The following NIBAN2 variants were observed in gnomAD, a reference collection of about 807,000 sequenced individuals.
NIBAN2 encodes the protein niban apoptosis regulator 2, also known as protein Niban 2.
NIBAN2 carries 36 observed loss-of-function variants against 81.8 expected under a neutral mutation model. That is an observed-to-expected ratio of 0.44 (90% confidence interval 0.34 to 0.58). The LOEUF is 0.58. Ranked by LOEUF, NIBAN2 falls within the 20% of genes least tolerant of loss-of-function variation. The pLI, the probability that NIBAN2 is intolerant of heterozygous loss-of-function variation, is 0.02. For missense variants in NIBAN2, 897 were observed against 1,014.1 expected, an observed-to-expected ratio of 0.88 and a Z score of 1.57; for synonymous variants, 445 against 441.6, an observed-to-expected ratio of 1.01 and a Z score of -0.10.
At chr9:127,541,145 A>G (rs1158130046) in intron 1 of NIBAN2, among the ~76,000 whole-genome samples, 1 of 152,162 alleles carries the variant, frequency 6.6e-6, no homozygotes, top group Non-Finnish European at 1.5e-5. Flanking sequence ...CATCTCCATC[A>G]TGTGCCTGAG....
rs1837286687 is a variant in NIBAN2 at position 127,536,696 on chromosome 9, G to A, written c.56-4918C>T. Among the ~76,000 whole-genome samples, 1 of 152,252 alleles carries A rather than the reference G, an allele frequency of 6.6e-6. No homozygotes were observed. On this transcript the variant is annotated intron_variant, in intron 1 of 13. Coordinates refer to ENST00000373312, the MANE Select transcript of NIBAN2 (RefSeq NM_022833.4). This position sits in a 1 kb window ranked among gnomAD's most constrained non-coding sequence, Gnocchi z 4.0. ...ACACTCAGGCTTACCACCCTGTTAG[G>A]GGAATGTGAGCCAGAGAGGGTGAGC...
In NIBAN2 at chr9:127,545,748, C is replaced by T. The variant is rs1214529757; in HGVS notation, c.56-13970G>A. ...GCCCAGAGAAATGCACCCAAAAAAA[C>T]GGGTGACCCAAAACCCGCCCACTGG... On this transcript the variant is annotated intron_variant, in intron 1 of 13. Coordinates refer to ENST00000373312, the MANE Select transcript of NIBAN2 (RefSeq NM_022833.4). This position sits in a 1 kb window ranked among gnomAD's most constrained non-coding sequence, Gnocchi z 4.7. 3.3e-5 allele frequency among the ~76,000 whole-genome samples: 5 copies of T among 152,206 alleles called. No homozygotes were observed. The highest frequency in any genetic ancestry group is 2.1e-4 in the South Asian group (1 of 4,828).
intron 1 of NIBAN2, among the ~76,000 whole-genome samples, chr9:127,560,338 T>C (rs1837750855): frequency 1.3e-5 from 2 of 151,930 alleles, no homozygotes; most frequent in African/African-American, 4.8e-5. Flanking sequence ...ATATCCCTCA[T>C]TGCACCCGAC....
intron 1 of NIBAN2, chr9:127,561,318 G>A (rs1194746896): frequency 3.0e-6 from 3 of 985,056 alleles, no homozygotes; most frequent in South Asian, 4.7e-5. Flanking sequence ...GCACATGGCA[G>A]GGAGCAGGGG....
At chr9:127,511,179 G>A (rs149685171) in intron 8 of NIBAN2, among the ~76,000 whole-genome samples, 8,887 of 151,818 alleles carry the variant, frequency 0.059, 307 homozygotes, top group South Asian at 0.07. Context: ...CAAGTAGCTG[G>A]GATTACAGGT....
chr9:127,526,410 A>G (rs930107826), intron 3 of NIBAN2, among the ~76,000 whole-genome samples: 9 of 151,280 alleles, frequency 5.9e-5, no homozygotes, highest in Non-Finnish European at 1.3e-4. Context: ...AAAAAAAAAA[A>G]AAAAAGAAAA....
intron 1 of NIBAN2, among the ~76,000 whole-genome samples, chr9:127,564,194 G>A (rs1837819562): frequency 6.6e-6 from 1 of 151,806 alleles, no homozygotes. Context: ...TCAGGAGGCT[G>A]AGACAGGAGA....
At position 127,508,312 on chromosome 9, in the gene NIBAN2, A is replaced by C. The variant is rs1156463182; in HGVS notation, c.1434+110T>G. 1 of 1,318,318 alleles carries C rather than the reference A, an allele frequency of 7.6e-7. No individual in the cohort carries two copies. The allele number at this position is 1,318,318 out of a possible 1,614,324, so 81.7% of individuals were successfully genotyped here. ...GCCTCCGAGTCCTCATCCGCACAAG[A>C]GGACCATGGCGCCTCCTTGCAGGGA... is the stretch of plus-strand genomic sequence containing the variant. On this transcript the variant is annotated intron_variant, in intron 11 of 13. Transcript: ENST00000373312. This position sits in a 1 kb window ranked among gnomAD's most constrained non-coding sequence, Gnocchi z 6.4.
rs397740013 is a variant in NIBAN2, at chr9:127,525,286, G to GAGT, written c.316-124_316-123insACT. The GAGT allele has an allele frequency of 4.5e-6, 3 of 673,582 alleles. No homozygotes were observed. In the Admixed American group the frequency reaches 7.3e-5, roughly 16 times the overall value. 41.7% of individuals were successfully genotyped at this position (673,582 alleles called of 1,614,324 possible). On this transcript the variant is annotated intron_variant, in intron 3 of 13. Coordinates refer to ENST00000373312, the MANE Select transcript of NIBAN2 (RefSeq NM_022833.4). Reference sequence around the variant, plus strand: ...GGAGGAGAAGGGAAAGGAAGAAGAGGCAAGAGAGGAACAGAGGGGAGAATG... The same window carrying GAGT: ...GGAGGAGAAGGGAAAGGAAGAAGAGGAGTCAAGAGAGGAACAGAGGGGAGAATG...
intron 1 of NIBAN2, among the ~76,000 whole-genome samples, chr9:127,558,381 G>C (rs1474148167): frequency 6.6e-6 from 1 of 152,178 alleles, no homozygotes; most frequent in East Asian, 1.9e-4. Context: ...TCATGCTGGG[G>C]TCAAGGCCCT....
At chr9:127,571,328 T>G (rs908301983), upstream of NIBAN2, among the ~76,000 whole-genome samples, 1 of 152,042 alleles carries the variant, frequency 6.6e-6, no homozygotes, top group African/African-American at 2.4e-5. Flanking sequence ...TCCTCTTGCT[T>G]TGGAGACCTT....
intron 1 of NIBAN2, among the ~76,000 whole-genome samples, chr9:127,562,972 T>C (rs1284594439): frequency 6.6e-6 from 1 of 152,178 alleles, no homozygotes; most frequent in Non-Finnish European, 1.5e-5. Context: ...TAAAGTGTAA[T>C]GATCGACACA....
chr9:127,549,691 T>C (rs1265267159), intron 1 of NIBAN2, among the ~76,000 whole-genome samples: 1 of 152,206 alleles, frequency 6.6e-6, no homozygotes, highest in Non-Finnish European at 1.5e-5. Flanking sequence ...TCCACTCGTG[T>C]GCTTGCTGCT....
Position 127,517,814 on chromosome 9 carries a change from G to T in NIBAN2, c.705+12C>A, listed in dbSNP as rs770835671. The stretch of plus-strand genomic sequence containing the variant: ...ACTTCTGAGGTTTCCTCACCAGCCC[G>T]TCTGGCCTCACCTGCACCTCGTTCC... On this transcript the variant is annotated intron_variant, in intron 6 of 13. Transcript: ENST00000373312. This position sits in a 1 kb window ranked among gnomAD's most constrained non-coding sequence, Gnocchi z 4.0. 1.9e-6 allele frequency: 3 copies of T among 1,602,896 alleles called. No individual in the cohort carries two copies. The highest frequency in any genetic ancestry group is 2.6e-6 in the Non-Finnish European group (3 of 1,171,752).
chr9:127,526,415 A>AG (rs71380070), intron 3 of NIBAN2, among the ~76,000 whole-genome samples: 2 of 149,918 alleles, frequency 1.3e-5, no homozygotes, highest in South Asian at 2.1e-4. Flanking sequence ...AAAAAAAAAA[A>AG]GAAAAAAAAA....
chr9:127,556,293 A>T (rs1837668629), intron 1 of NIBAN2, among the ~76,000 whole-genome samples: 1 of 151,846 alleles, frequency 6.6e-6, no homozygotes, highest in African/African-American at 2.4e-5. Context: ...CTCCTTCCAC[A>T]AGGGCAGGGG....
chr9:127,555,800 C>T (rs1451014685), intron 1 of NIBAN2, among the ~76,000 whole-genome samples: 1 of 152,220 alleles, frequency 6.6e-6, no homozygotes, highest in Non-Finnish European at 1.5e-5. Context: ...TATAGCAATT[C>T]GCCCTCCGGT....
Position 127,523,168 on chromosome 9 carries a change from T to TAAA in NIBAN2, c.589+510_589+511insTTT, listed in dbSNP as rs1564301216. On this transcript the variant is annotated intron_variant, in intron 5 of 13. Transcript: ENST00000373312. The stretch of plus-strand genomic sequence containing the variant: ...CAAATCACCCTGCAGGTTGGTGGTT[T>TAAA]TAAAAAAAAAAAAAAAAAAAAAAAA... Among the ~76,000 whole-genome samples, 4 of 19,010 alleles carry TAAA rather than the reference T, an allele frequency of 2.1e-4. 1 individual carries two copies. Among genetic ancestry groups the TAAA allele is most frequent in the Admixed American group, 1.4e-3 (2 of 1,422 alleles). The allele number at this position is 19,010 out of a possible 152,430, so 12.5% of individuals were successfully genotyped here. A position where few individuals can be genotyped will look rare whatever the true frequency, so the allele number is the denominator to read the frequency against.
upstream of NIBAN2, among the ~76,000 whole-genome samples, chr9:127,572,566 G>A (rs1004737698): frequency 2.6e-5 from 4 of 152,100 alleles, no homozygotes; most frequent in Non-Finnish European, 5.9e-5. Flanking sequence ...GATGCCTTGG[G>A]ACCTGATTGG....
Sources: gnomAD v4.1 joint callset for allele counts (sites outside exome capture counted in the v4.1 genomes callset) on GRCh38, gnomAD v4.1.1 for gene constraint, Gnocchi (gnomAD v3.1) non-coding constraint, MANE v1.5 for transcripts, NCBI Gene and HGNC (gene_info 2026-07-23, HGNC 2026-07-21) for gene names.